SRC: variants seen among roughly 807,000 people sequenced by gnomAD.
The protein encoded by SRC is proto-oncogene tyrosine-protein kinase Src.
In SRC, 13 loss-of-function variants were observed where a neutral mutation model predicts 62.9. That is an observed-to-expected ratio of 0.21 (90% CI 0.13 to 0.33). The LOEUF (loss-of-function observed/expected upper bound fraction) is 0.33, where lower values mean the gene tolerates loss of function less well. SRC is among the 10% of genes least tolerant of loss of function. The probability of loss-of-function intolerance (pLI) is 1.00; values close to 1 mark genes in which losing one functional copy is unlikely to be tolerated. For synonymous variants in SRC, 302 were observed against 317.5 expected (o/e 0.95, Z 0.52); for missense variants, 457 against 737.3 (o/e 0.62, Z 4.40).
intron 9 of SRC, among the ~76,000 whole-genome samples, chr20:37,399,408 C>G (rs1159068626): frequency 6.6e-6 from 1 of 152,188 alleles, no homozygotes; most frequent in East Asian, 1.9e-4. Flanking sequence ...CTGGCTTCCA[C>G]CAGTACACAT....
At position 37,394,661 on chromosome 20, in the gene SRC, T is replaced by TC. The variant is rs1461381315; in HGVS notation, c.553+389dup. 2.0e-5 allele frequency among the ~76,000 whole-genome samples: 3 copies of TC among 151,944 alleles called. No homozygotes were observed. In the East Asian group the frequency reaches 5.8e-4, roughly 29 times the overall value. Reference sequence around the variant, plus strand: ...TGGATGCTGGAGGCTGGTTTTGCCCTCCCCCAACTGCAGTCCTGGTCCCTG... The same window carrying TC: ...TGGATGCTGGAGGCTGGTTTTGCCCTCCCCCCAACTGCAGTCCTGGTCCCTG... On this transcript the variant is annotated intron_variant, in intron 7 of 13. Transcript: ENST00000373578.
chr20:37,364,046 T>C (rs2146950674), intron 1 of SRC, among the ~76,000 whole-genome samples: 1 of 152,156 alleles, frequency 6.6e-6, no homozygotes, highest in East Asian at 1.9e-4. Context: ...CCACTGCTCT[T>C]CCCTGCCCCG....
Position 37,396,331 on chromosome 20 carries a change from C to CGGAGG in SRC, c.703+22_703+26dup. The CGGAGG allele has an allele frequency of 1.2e-6, 2 of 1,607,452 alleles. No individual in the cohort carries two copies. The highest frequency in any genetic ancestry group is 1.7e-6 in the Non-Finnish European group (2 of 1,177,052). The stretch of plus-strand genomic sequence containing the variant: ...ACTCCAGTGAGCCAGCCTCGGAGGG[C>CGGAGG]GGAGGGCGGGCGGGCAAAGCCTCAG... On this transcript the variant is annotated intron_variant, in intron 8 of 13. Coordinates refer to ENST00000373578, the MANE Select transcript of SRC (RefSeq NM_198291.3). This position sits in a 1 kb window ranked among gnomAD's most constrained non-coding sequence, Gnocchi z 6.1.
At chr20:37,399,159 C>A (rs549467202) in intron 9 of SRC, among the ~76,000 whole-genome samples, 1 of 152,206 alleles carries the variant, frequency 6.6e-6, no homozygotes, top group Non-Finnish European at 1.5e-5. Flanking sequence ...AACAGCTCCA[C>A]GGGTAGGCAC....
intron 6 of SRC, 22 bp downstream of exon 6, chr20:37,394,015 C>A: frequency 6.2e-7 from 1 of 1,609,236 alleles, no homozygotes; most frequent in Non-Finnish European, 8.5e-7. Flanking sequence ...CTCTGGCTGC[C>A]TCTACCCGTC....
At chr20:37,368,544 GT>G (rs1463098892) in intron 2 of SRC, among the ~76,000 whole-genome samples, 3,505 of 73,986 alleles carry the variant, frequency 0.047, 149 homozygotes, top group East Asian at 0.16. Flanking sequence ...TTTTTTTTTT[GT>G]TTTTTTTTTT....
In SRC at chr20:37,384,631, G is replaced by T. The variant is rs2070421574; in HGVS notation, c.250+228G>T. Among the ~76,000 whole-genome samples the T allele has an allele frequency of 6.6e-6, 1 of 151,148 alleles. No individual in the cohort carries two copies. Among genetic ancestry groups the T allele is most frequent in the Admixed American group, 6.6e-5 (1 of 15,246 alleles). ...GTGGAGCAAGCGCAAAAGACACGGG[G>T]TGTGGTTAATGGGTTCTAATTGGAC... On this transcript the variant is annotated intron_variant, in intron 4 of 13. Coordinates refer to ENST00000373578, the MANE Select transcript of SRC (RefSeq NM_198291.3). This position sits in a 1 kb window ranked among gnomAD's most constrained non-coding sequence, Gnocchi z 6.7.
At chr20:37,389,473 T>G (rs1696823813) in intron 5 of SRC, among the ~76,000 whole-genome samples, 2 of 152,178 alleles carry the variant, frequency 1.3e-5, no homozygotes, top group South Asian at 2.1e-4. Flanking sequence ...AGACCTGTGC[T>G]GGCTTCACCC....
intron 1 of SRC, among the ~76,000 whole-genome samples, chr20:37,348,458 C>A (rs979730445): frequency 6.6e-6 from 1 of 152,156 alleles, no homozygotes; most frequent in African/African-American, 2.4e-5. Context: ...GTATTGAGCA[C>A]CTGCTGCGTA....
chr20:37,357,696 T>C (rs1298963061), intron 1 of SRC, among the ~76,000 whole-genome samples: 2 of 152,130 alleles, frequency 1.3e-5, no homozygotes, highest in African/African-American at 2.4e-5. Flanking sequence ...GAGGGAGGCT[T>C]TCTGTGAGGA....
In SRC at chr20:37,402,915, G is replaced by T; in HGVS notation, c.1402+35G>T. The T allele has an allele frequency of 6.2e-7, 1 of 1,601,030 alleles. No individual in the cohort carries two copies. The stretch of plus-strand genomic sequence containing the variant: ...TCCTCATGGCCTGTCTGTGGTCCCT[G>T]AATCCCTCTGCCCTGGTGGCCTTGG... On this transcript the variant is annotated intron_variant, in intron 13 of 13. Transcript: ENST00000373578. This position sits in a 1 kb window ranked among gnomAD's most constrained non-coding sequence, Gnocchi z 6.2.
At chr20:37,358,978 T>G (rs987216988) in intron 1 of SRC, among the ~76,000 whole-genome samples, 2 of 152,256 alleles carry the variant, frequency 1.3e-5, no homozygotes, top group Non-Finnish European at 1.5e-5. Flanking sequence ...CTTCACTCAC[T>G]CTTTGCTCAC....
At chr20:37,373,078 A>G (rs910331292) in intron 2 of SRC, among the ~76,000 whole-genome samples, 6 of 150,938 alleles carry the variant, frequency 4.0e-5, no homozygotes, top group African/African-American at 9.8e-5. Context: ...ATACACACAT[A>G]TATACATATA....
chr20:37,367,406 T>G (rs1236184702), intron 2 of SRC, among the ~76,000 whole-genome samples: 2 of 152,138 alleles, frequency 1.3e-5, no homozygotes, highest in East Asian at 1.9e-4. Context: ...CCCTAATTAC[T>G]AGTGACATTA....
intron 4 of SRC, 78 bp from the exon 5 acceptor site, chr20:37,385,997 C>A: frequency 8.5e-7 from 1 of 1,171,528 alleles, no homozygotes; most frequent in Non-Finnish European, 1.3e-6. Context: ...TCCACTCCTC[C>A]TGGGTACAGG....
intron 5 of SRC, among the ~76,000 whole-genome samples, chr20:37,391,199 G>T (rs773663544): frequency 6.6e-5 from 10 of 152,206 alleles, no homozygotes; most frequent in African/African-American, 2.4e-4. Flanking sequence ...AATTTTTAGC[G>T]TCTGGTCTTA....
At chr20:37,358,796 G>A (rs954962689) in intron 1 of SRC, among the ~76,000 whole-genome samples, 10 of 152,216 alleles carry the variant, frequency 6.6e-5, no homozygotes, top group Admixed American at 1.3e-4. Context: ...TGCAGGCCCC[G>A]TCCCCAGTGC....
chr20:37,374,603 C>G (rs6063029), intron 2 of SRC, among the ~76,000 whole-genome samples: 31,153 of 121,172 alleles, frequency 0.26, 5,045 homozygotes, highest in African/African-American at 0.5. Flanking sequence ...GAGACAGAGT[C>G]TTGCTCTGTT....
In SRC at chr20:37,396,439, C is replaced by T. The variant is rs927420179; in HGVS notation, c.703+128C>T. 4 of 1,078,254 alleles carry T rather than the reference C, an allele frequency of 3.7e-6. No homozygotes were observed. The highest frequency in any genetic ancestry group is 2.6e-5 in the East Asian group (1 of 38,906). The allele number at this position is 1,078,254 out of a possible 1,614,324, so 66.8% of individuals were successfully genotyped here. A position where few individuals can be genotyped will look rare whatever the true frequency, so the allele number is the denominator to read the frequency against. ...GCTTCTCTCCCCACTTCCCCCTCCC[C>T]CCTCCCTTCCTCTCTCCTCCCTTTT... is the stretch of plus-strand genomic sequence containing the variant. On this transcript the variant is annotated intron_variant, in intron 8 of 13. Coordinates refer to ENST00000373578, the MANE Select transcript of SRC (RefSeq NM_198291.3). The surrounding 1 kb of genome is among the most constrained non-coding windows in gnomAD (Gnocchi z 6.1).
Sources: allele counts gnomAD v4.1 joint callset (sites outside exome capture counted in the v4.1 genomes callset), GRCh38; gene constraint gnomAD v4.1.1; non-coding constraint Gnocchi (gnomAD v3.1); transcripts MANE v1.5; gene names NCBI Gene and HGNC (gene_info 2026-07-23, HGNC 2026-07-21).